The following DISC1 variants were observed in gnomAD, a reference collection of about 807,000 sequenced individuals.
DISC1 encodes disrupted in schizophrenia 1 protein.
Under a neutral mutation model 84.5 loss-of-function variants are expected in DISC1, and 57 were observed. The observed-to-expected ratio is 0.67, with a 90% confidence interval of 0.55 to 0.84. The LOEUF (loss-of-function observed/expected upper bound fraction) is 0.84. DISC1 is among the 40% of genes least tolerant of loss of function. The pLI, the probability that DISC1 is intolerant of heterozygous loss-of-function variation, is 0.00. For synonymous variants in DISC1, 411 were observed against 415.2 expected (o/e 0.99, Z 0.12); for missense variants, 1,000 against 1,057.8 (o/e 0.95, Z 0.76).
intron 10 of DISC1, among the ~76,000 whole-genome samples, chr1:231,969,353 T>G (rs1333619469): frequency 6.6e-6 from 1 of 152,124 alleles, no homozygotes; most frequent in Non-Finnish European, 1.5e-5. Context: ...GCAGGGATCC[T>G]AGAGCACACT....
intron 8 of DISC1, among the ~76,000 whole-genome samples, chr1:231,816,688 C>T (rs766771938): frequency 1.3e-5 from 2 of 152,150 alleles, no homozygotes; most frequent in Non-Finnish European, 1.5e-5. Context: ...CATTGACTTG[C>T]TTTGGCACTT....
intron 4 of DISC1, among the ~76,000 whole-genome samples, chr1:231,759,021 A>T (rs1167025167): frequency 6.6e-6 from 1 of 152,124 alleles, no homozygotes; most frequent in Non-Finnish European, 1.5e-5. Context: ...TAAAACAAAG[A>T]TCTATCATGG....
At chr1:231,725,067 G>A (rs1272595895) in intron 3 of DISC1, among the ~76,000 whole-genome samples, 1 of 152,106 alleles carries the variant, frequency 6.6e-6, no homozygotes, top group African/African-American at 2.4e-5. Flanking sequence ...GGCTTTGTGT[G>A]ACCACAGAGA....
chr1:231,845,972 G>A (rs1437888483), intron 9 of DISC1, among the ~76,000 whole-genome samples: 2 of 152,042 alleles, frequency 1.3e-5, no homozygotes, highest in Non-Finnish European at 2.9e-5. Flanking sequence ...AGGAGGTGGA[G>A]GTCCAGGATC....
chr1:231,737,986 T>C (rs1390986012), intron 3 of DISC1, among the ~76,000 whole-genome samples: 1 of 152,134 alleles, frequency 6.6e-6, no homozygotes, highest in Non-Finnish European at 1.5e-5. Context: ...GCCTCCTGAG[T>C]AGCTGGGACT....
At position 231,780,272 on chromosome 1, in the gene DISC1, A is replaced by C. The variant is rs565360109; in HGVS notation, c.1634+9202A>C. ...AAAAAGAAAAGGAAAGAATGAAAAA[A>C]AAAAGAAATAAAGCTCTCCTTTCTA... On this transcript the variant is annotated intron_variant, in intron 6 of 12. Coordinates refer to ENST00000439617, the MANE Select transcript of DISC1 (RefSeq NM_018662.3). 5.5e-3 allele frequency among the ~76,000 whole-genome samples: 843 copies of C among 151,932 alleles called. 7 individuals are homozygous for C. Among genetic ancestry groups the C allele is most frequent in the Middle Eastern group, 0.024 (7 of 290 alleles).
At chr1:231,788,514 C>T (rs1240530425) in intron 6 of DISC1, among the ~76,000 whole-genome samples, 1 of 152,148 alleles carries the variant, frequency 6.6e-6, no homozygotes, top group Admixed American at 6.5e-5. Context: ...ACATTTGCAA[C>T]AACCCTATTT....
intron 9 of DISC1, among the ~76,000 whole-genome samples, chr1:231,957,849 A>G (rs1659785143): frequency 1.3e-5 from 2 of 152,204 alleles, no homozygotes; most frequent in African/African-American, 4.8e-5. Context: ...GTTGACTGAA[A>G]TAGAAGTCTA....
At chr1:231,825,568 C>G (rs766620636) in intron 9 of DISC1, among the ~76,000 whole-genome samples, 4 of 152,006 alleles carry the variant, frequency 2.6e-5, no homozygotes, top group Admixed American at 6.6e-5. Flanking sequence ...AGCCTGTTTG[C>G]CATGTTTTGG....
In DISC1 at chr1:231,805,685, A is replaced by G. The variant is rs536323203; in HGVS notation, c.1792+5475A>G. On this transcript the variant is annotated intron_variant, in intron 8 of 12. Coordinates refer to ENST00000439617, the MANE Select transcript of DISC1 (RefSeq NM_018662.3). Reference sequence around the variant, plus strand: ...AATCACCTTCCACTGGTGCTAAATCATTAATGAGAAACTGCCCCTATGATC... The same window carrying G: ...AATCACCTTCCACTGGTGCTAAATCGTTAATGAGAAACTGCCCCTATGATC... Among the ~76,000 whole-genome samples the G allele has an allele frequency of 5.6e-4, 85 of 151,832 alleles. 1 individual carries two copies. Among genetic ancestry groups the G allele is most frequent in the African/African-American group, 2.0e-3 (85 of 41,474 alleles).
chr1:231,918,937 C>T lies in DISC1; in HGVS notation c.1982-39891C>T, dbSNP rs182885619. Among the ~76,000 whole-genome samples the T allele has an allele frequency of 3.9e-5, 6 of 152,346 alleles. No individual in the cohort carries two copies. The East Asian group carries it at 9.6e-4, about 24-fold the overall frequency. On this transcript the variant is annotated intron_variant, in intron 9 of 12. Coordinates refer to ENST00000439617, the MANE Select transcript of DISC1 (RefSeq NM_018662.3). ...TCCTTTCCTCTGTATGTGTTTGCTA[C>T]ATTCCATTCCCTATGCAATAGAGTT...
rs373987998 is a variant in DISC1 at position 231,699,686 on chromosome 1, C to T, written c.1048-2269C>T. 6.6e-4 allele frequency among the ~76,000 whole-genome samples: 101 copies of T among 152,322 alleles called. No homozygotes were observed. In the South Asian group the frequency reaches 0.011, roughly 17 times the overall value. On this transcript the variant is annotated intron_variant, in intron 2 of 12. Transcript: ENST00000439617. ...GCCTCCCTTCTTCTGCTCTTACTAACAGCAGCCAGAGTGAAACTGTTTAAA... is the reference window on the plus strand; with the variant it reads ...GCCTCCCTTCTTCTGCTCTTACTAATAGCAGCCAGAGTGAAACTGTTTAAA...
chr1:231,727,273 C>T (rs974419428), intron 3 of DISC1, among the ~76,000 whole-genome samples: 1 of 152,078 alleles, frequency 6.6e-6, no homozygotes, highest in African/African-American at 2.4e-5. Context: ...TTTTCTGCTA[C>T]TGATATTTTT....
At chr1:231,755,635 A>G (rs2075040391) in intron 4 of DISC1, among the ~76,000 whole-genome samples, 1 of 152,054 alleles carries the variant, frequency 6.6e-6, no homozygotes, top group Admixed American at 6.6e-5. Context: ...TTTAAACTAA[A>G]TTTACCGTTG....
Position 232,036,811 on chromosome 1 carries a change from G to A in DISC1, c.2545G>A (p.Val849Ile). 6.3e-7 allele frequency: 1 copy of A among 1,596,732 alleles called. No individual in the cohort carries two copies. The highest frequency in any genetic ancestry group is 8.6e-7 in the Non-Finnish European group (1 of 1,168,802). The change falls in exon 13 of 13, where the codon GTC becomes ATC. Residue 849 changes from valine to isoleucine, a missense_variant. Coordinates refer to ENST00000439617, the MANE Select transcript of DISC1 (RefSeq NM_018662.3). ...TGCAGCTTCCTGCATGACAGCTGGT[G>A]TCCACGAAGCACAAGCCTGAGGAGT... ...EAAASCMTAG[V>I]HEAQA
rs1488359369 is a variant in DISC1, at chr1:232,041,137, TTGA to T, written c.*4311_*4313del. Reference sequence around the variant, plus strand: ...GCTGATATCCAAGGCATGGTGCATCTTGATGATTTTTTGTCCTTTGAAGTATGG... The same window carrying T: ...GCTGATATCCAAGGCATGGTGCATCTTGATTTTTTGTCCTTTGAAGTATGG... On this transcript the variant is annotated 3_prime_UTR_variant, in exon 13 of 13. Coordinates refer to ENST00000439617, the MANE Select transcript of DISC1 (RefSeq NM_018662.3). 1 of 152,256 alleles carries T rather than the reference TTGA, an allele frequency of 6.6e-6. No homozygotes were observed. The highest frequency in any genetic ancestry group is 1.5e-5 in the Non-Finnish European group (1 of 68,046). The allele number at this position is 152,256 out of a possible 1,614,324, so 9.4% of individuals were successfully genotyped here.
rs1656796559 is a variant in DISC1 at position 231,944,722 on chromosome 1, A to G, written c.1982-14106A>G. ...AGGCCTAGGAAAGCACAGACTGGCCATACTGTGCACACTCAGAAGCCTAAG... is the reference window on the plus strand; with the variant it reads ...AGGCCTAGGAAAGCACAGACTGGCCGTACTGTGCACACTCAGAAGCCTAAG... On this transcript the variant is annotated intron_variant, in intron 9 of 12. Transcript: ENST00000439617. Among the ~76,000 whole-genome samples, 4 of 152,210 alleles carry G rather than the reference A, an allele frequency of 2.6e-5. No homozygotes were observed. The South Asian group carries it at 8.3e-4, about 32-fold the overall frequency.
intron 9 of DISC1, among the ~76,000 whole-genome samples, chr1:231,929,595 C>T (rs1440379012): frequency 1.3e-5 from 2 of 152,190 alleles, no homozygotes; most frequent in Non-Finnish European, 2.9e-5. Flanking sequence ...TGCAAGTCAT[C>T]AGCCTTTCTT....
intron 9 of DISC1, among the ~76,000 whole-genome samples, chr1:231,849,982 T>C (rs6677638): frequency 0.9 from 136,870 of 152,290 alleles, 61,594 homozygotes; most frequent in East Asian, 0.99. Flanking sequence ...TACATTAAAA[T>C]GCTTCCATAG....
Sources: gnomAD v4.1 joint callset for allele counts (sites outside exome capture counted in the v4.1 genomes callset) on GRCh38, gnomAD v4.1.1 for gene constraint, MANE v1.5 for transcripts, NCBI Gene and HGNC (gene_info 2026-07-23, HGNC 2026-07-21) for gene names.